The following CYP4X1 variants were observed in gnomAD, a reference collection of about 807,000 sequenced individuals.
CYP4X1 encodes cytochrome P450 4X1.
In CYP4X1, 44 loss-of-function variants were observed where a neutral mutation model predicts 57.9. The observed-to-expected ratio is 0.76, with a 90% confidence interval of 0.60 to 0.98. The LOEUF (loss-of-function observed/expected upper bound fraction) is 0.98, where lower values mean the gene tolerates loss of function less well. CYP4X1 is among the 50% of genes least tolerant of loss of function. The pLI, the probability that CYP4X1 is intolerant of heterozygous loss-of-function variation, is 0.00. For synonymous variants in CYP4X1, 227 were observed against 228.6 expected, an observed-to-expected ratio of 0.99 and a Z score of 0.06; for missense variants, 532 against 623.9, an observed-to-expected ratio of 0.85 and a Z score of 1.57.
the CYP4X1 span, chr1:46,967,966 C>T: frequency 3.2e-6 from 1 of 312,030 alleles, no homozygotes; most frequent in Non-Finnish European, 5.7e-6. Context: ...GGTTTGTTCA[C>T]TCTTCCACAG....
chr1:46,969,481 T>C, the CYP4X1 span, among the ~76,000 whole-genome samples: 1 of 152,226 alleles, frequency 6.6e-6, no homozygotes, highest in African/African-American at 2.4e-5. Context: ...GATAAACCAA[T>C]GCTGAGAAAG....
Position 47,046,495 on chromosome 1 carries a change from A to G in CYP4X1, c.1102A>G (p.Thr368Ala), listed in dbSNP as rs759805454. 2.5e-6 allele frequency: 4 copies of G among 1,614,138 alleles called. No individual in the cohort carries two copies. In the Admixed American group the frequency reaches 5.0e-5, roughly 20 times the overall value. Residue 368 changes from threonine to alanine, a missense_variant, in exon 9 of 12, where the codon ACA becomes GCA. Physicochemically the swap from Thr to Ala is moderately conservative, Grantham distance 58. Transcript: ENST00000371901. ...WDQLGEMSYT[T>A]MCIKETCRLI... ...CCAGCTGGGTGAGATGTCGTACACC[A>G]CAATGTGCATCAAGGAGACGTGCCG...
Position 47,033,383 on chromosome 1 carries a change from A to G in CYP4X1, c.492+15A>G, listed in dbSNP as rs1644144982. On this transcript the variant is annotated intron_variant, in intron 4 of 11. Transcript: ENST00000371901. ...AAATGATGCTGGTAAGTAAAGGGGG[A>G]AAGTGCTCTGTGCATTGCGAAATGC... The G allele has an allele frequency of 6.2e-7, 1 of 1,613,412 alleles. No individual in the cohort carries two copies.
chr1:47,035,692 T>C (rs1262930235), intron 4 of CYP4X1, 114 bp from the exon 5 acceptor site: 1 of 1,443,230 alleles, frequency 6.9e-7, no homozygotes, highest in Non-Finnish European at 9.2e-7. Flanking sequence ...TGGTTCCTGC[T>C]GGGTCAGGGT....
chr1:47,006,687 GA>G, the CYP4X1 span, among the ~76,000 whole-genome samples: 9 of 152,310 alleles, frequency 5.9e-5, no homozygotes, highest in South Asian at 1.9e-3. Context: ...CATAGTCAAA[GA>G]AAGGGGTGAC....
At chr1:46,972,122 A>G in the CYP4X1 span, among the ~76,000 whole-genome samples, 1 of 152,148 alleles carries the variant, frequency 6.6e-6, no homozygotes, top group South Asian at 2.1e-4. Context: ...GTATATGATG[A>G]AAAACAGGGG....
chr1:46,962,783 T>A, the CYP4X1 span, among the ~76,000 whole-genome samples: 1 of 152,198 alleles, frequency 6.6e-6, no homozygotes, highest in African/African-American at 2.4e-5. Context: ...GGTGCAGAGA[T>A]GAATTCAATT....
the CYP4X1 span, among the ~76,000 whole-genome samples, chr1:47,009,622 G>A: frequency 6.6e-6 from 1 of 152,168 alleles, no homozygotes; most frequent in Non-Finnish European, 1.5e-5. Context: ...GAATCCCAGA[G>A]CTGGTTTTTT....
chr1:46,982,487 C>T, the CYP4X1 span, among the ~76,000 whole-genome samples: 1 of 152,168 alleles, frequency 6.6e-6, no homozygotes, highest in Admixed American at 6.5e-5. Flanking sequence ...TCTTTCTCAT[C>T]TTGTGTGGGC....
chr1:47,038,788 G>C (rs1215945638), intron 7 of CYP4X1, 22 bp downstream of exon 7: 2 of 1,595,780 alleles, frequency 1.3e-6, no homozygotes, highest in Non-Finnish European at 1.7e-6. Context: ...AAATTTCTAA[G>C]CCTGCTCAAG....
At chr1:47,026,354 A>G (rs964971213) in intron 1 of CYP4X1, among the ~76,000 whole-genome samples, 4 of 152,196 alleles carry the variant, frequency 2.6e-5, no homozygotes, top group Admixed American at 6.5e-5. Context: ...ATAAATATAT[A>G]CACCTACTAT....
the CYP4X1 span, among the ~76,000 whole-genome samples, chr1:46,999,026 T>TTTTGTGTGTGTG: frequency 7.7e-5 from 11 of 143,328 alleles, no homozygotes; most frequent in East Asian, 4.1e-4. Context: ...CTTGCTTTCT[T>TTTTGTGTGTGTG]TGTGTGTGTG....
chr1:47,011,197 T>C, the CYP4X1 span, among the ~76,000 whole-genome samples: 1 of 152,204 alleles, frequency 6.6e-6, no homozygotes, highest in South Asian at 2.1e-4. Context: ...ATGGTACTGG[T>C]ACCAAAACAG....
At chr1:46,976,386 G>A in the CYP4X1 span, among the ~76,000 whole-genome samples, 1 of 152,176 alleles carries the variant, frequency 6.6e-6, no homozygotes, top group African/African-American at 2.4e-5. Flanking sequence ...GTGGCAGCCT[G>A]GCTGAGGGAG....
the CYP4X1 span, among the ~76,000 whole-genome samples, chr1:47,003,883 CA>C: frequency 1.3e-5 from 2 of 152,236 alleles, no homozygotes; most frequent in Non-Finnish European, 2.9e-5. Context: ...CAAAAAATCT[CA>C]GATCCTTCTC....
rs138058714 is a variant in CYP4X1, at chr1:47,035,257, CTT to C, written c.493-547_493-546del. ...CATTTCAAGCAGTATAAGTAGGTCT[CTT>C]TGTGGGGAAGTTAAGCCAGGTCAGG... On this transcript the variant is annotated intron_variant, in intron 4 of 11. Transcript: ENST00000371901. Among the ~76,000 whole-genome samples, 229 of 152,204 alleles carry C rather than the reference CTT, an allele frequency of 1.5e-3. 4 individuals carry two copies. In the East Asian group the frequency reaches 0.023, roughly 15 times the overall value.
At chr1:47,026,978 G>C (rs937856479) in intron 1 of CYP4X1, among the ~76,000 whole-genome samples, 6 of 152,056 alleles carry the variant, frequency 3.9e-5, no homozygotes, top group African/African-American at 1.5e-4. Flanking sequence ...CCCTCCCAAA[G>C]TGCTGGGATT....
chr1:46,967,976 G>C, the CYP4X1 span: 4 of 293,216 alleles, frequency 1.4e-5, no homozygotes, highest in Non-Finnish European at 2.4e-5. Flanking sequence ...CTCTTCCACA[G>C]TGTGTGGTTC....
chr1:47,025,557 A>G (rs576392246), intron 1 of CYP4X1, among the ~76,000 whole-genome samples: 3 of 152,118 alleles, frequency 2.0e-5, no homozygotes, highest in Non-Finnish European at 4.4e-5. Context: ...TATTATTTTT[A>G]TTATGCAAAT....
Sources: allele counts gnomAD v4.1 joint callset (sites outside exome capture counted in the v4.1 genomes callset), GRCh38; gene constraint gnomAD v4.1.1; transcripts MANE v1.5; gene names NCBI Gene and HGNC (gene_info 2026-07-23, HGNC 2026-07-21).